Variants in SLC35F4 observed in about 807,000 individuals in gnomAD.
SLC35F4 encodes chromosome 14 open reading frame 36.
Under a neutral mutation model 44.2 loss-of-function variants are expected in SLC35F4, and 24 were observed. That is an observed-to-expected ratio of 0.54 (90% CI 0.39 to 0.76). The LOEUF is 0.76. SLC35F4 is among the 30% of genes least tolerant of loss of function. The pLI is 0.00. For synonymous variants in SLC35F4, 238 were observed against 223.6 expected, an observed-to-expected ratio of 1.06 and a Z score of -0.57; for missense variants, 562 against 586.1, an observed-to-expected ratio of 0.96 and a Z score of 0.42.
At chr14:57,666,248 C>G (rs1232088708) in intron 1 of SLC35F4, among the ~76,000 whole-genome samples, 1 of 152,112 alleles carries the variant, frequency 6.6e-6, no homozygotes, top group Non-Finnish European at 1.5e-5. Context: ...ATAGAGAGAC[C>G]CAGAACTTGA....
At chr14:57,586,717 CAAAAAAAAAAA>C (rs543963927) in intron 3 of SLC35F4, among the ~76,000 whole-genome samples, 24 of 12,490 alleles carry the variant, frequency 1.9e-3, no homozygotes, top group Middle Eastern at 0.071. Context: ...GACTCTGTCT[CAAAAAAAAAAA>C]AAAAAAAAAA....
intron 1 of SLC35F4, among the ~76,000 whole-genome samples, chr14:57,937,240 G>A (rs1358331925): frequency 6.6e-6 from 1 of 152,052 alleles, no homozygotes; most frequent in East Asian, 1.9e-4. Context: ...GCTAATTTTT[G>A]TATTTTTACC....
rs549320304 is a variant in SLC35F4 at position 57,695,396 on chromosome 14, T to C, written c.104-101272A>G. 1.4e-3 allele frequency among the ~76,000 whole-genome samples: 205 copies of C among 151,654 alleles called. 2 individuals are homozygous for C. The highest frequency in any genetic ancestry group is 2.3e-3 in the Non-Finnish European group (159 of 67,908). ...GACACTTCTCAAAAGAAGACATTTA[T>C]GCAGCCAAAAAACACATGAAAAAAC... On this transcript the variant is annotated intron_variant, in intron 1 of 7. Coordinates refer to ENST00000556826, the MANE Select transcript of SLC35F4 (RefSeq NM_001306087.2).
intron 1 of SLC35F4, among the ~76,000 whole-genome samples, chr14:57,783,181 G>A (rs1160170475): frequency 6.6e-6 from 1 of 152,042 alleles, no homozygotes; most frequent in East Asian, 1.9e-4. Context: ...AGAAAAAGTG[G>A]TCATTATATG....
rs144351296 is a variant in SLC35F4 at position 57,684,874 on chromosome 14, A to G, written c.104-90750T>C. 2.2e-3 allele frequency among the ~76,000 whole-genome samples: 334 copies of G among 152,260 alleles called. 1 individual carries two copies. Among genetic ancestry groups the G allele is most frequent in the African/African-American group, 7.1e-3 (297 of 41,558 alleles). On this transcript the variant is annotated intron_variant, in intron 1 of 7. Coordinates refer to ENST00000556826, the MANE Select transcript of SLC35F4 (RefSeq NM_001306087.2). ...CTCTCAGGAGTTTCCCCAGAGGGAT[A>G]GCGTTGGTAGGTAGATTGTGTAGCT...
At chr14:57,814,585 T>C (rs1000383522) in intron 1 of SLC35F4, among the ~76,000 whole-genome samples, 6 of 152,264 alleles carry the variant, frequency 3.9e-5, no homozygotes, top group Non-Finnish European at 7.3e-5. Flanking sequence ...TTATGAATAC[T>C]AATTCTGAAT....
intron 1 of SLC35F4, among the ~76,000 whole-genome samples, chr14:57,712,546 T>C (rs1436051393): frequency 1.3e-5 from 2 of 152,214 alleles, no homozygotes; most frequent in African/African-American, 2.4e-5. Context: ...TAATATTTTC[T>C]ATGTGAAGTC....
intron 1 of SLC35F4, among the ~76,000 whole-genome samples, chr14:57,766,560 C>A (rs1234139948): frequency 2.0e-5 from 3 of 152,182 alleles, no homozygotes; most frequent in African/African-American, 4.8e-5. Context: ...AACCCTAGAA[C>A]CCTTAAAGTA....
chr14:57,604,714 A>C (rs2071045153), intron 1 of SLC35F4, among the ~76,000 whole-genome samples: 1 of 152,238 alleles, frequency 6.6e-6, no homozygotes, highest in African/African-American at 2.4e-5. Flanking sequence ...TAATGCTACA[A>C]GGCTACAGTA....
chr14:57,972,906 T>C (rs911833336), downstream of SLC35F4, among the ~76,000 whole-genome samples: 17 of 152,240 alleles, frequency 1.1e-4, no homozygotes, highest in Admixed American at 3.9e-4. Flanking sequence ...TGGAATACAA[T>C]GCCGAGGGAG....
chr14:57,753,426 C>T (rs1038059913), intron 1 of SLC35F4, among the ~76,000 whole-genome samples: 7 of 152,138 alleles, frequency 4.6e-5, no homozygotes, highest in African/African-American at 1.7e-4. Flanking sequence ...TAGTAGGGTC[C>T]TCAGAGGCAC....
At chr14:57,932,573 G>C (rs752498084) in intron 1 of SLC35F4, among the ~76,000 whole-genome samples, 1 of 152,194 alleles carries the variant, frequency 6.6e-6, no homozygotes, top group Non-Finnish European at 1.5e-5. Flanking sequence ...TTGGGACCAG[G>C]TGTGGTGTCT....
chr14:57,745,332 C>A (rs1435328561), intron 1 of SLC35F4, among the ~76,000 whole-genome samples: 1 of 152,136 alleles, frequency 6.6e-6, no homozygotes, highest in African/African-American at 2.4e-5. Flanking sequence ...ACAATCTACC[C>A]ATCTGACAAA....
At chr14:57,770,342 T>C (rs542297818) in intron 1 of SLC35F4, among the ~76,000 whole-genome samples, 2 of 152,226 alleles carry the variant, frequency 1.3e-5, no homozygotes, top group Non-Finnish European at 2.9e-5. Flanking sequence ...GTATGCCAGC[T>C]TGCAGCATTT....
At chr14:57,892,782 T>G (rs1203693945) in intron 1 of SLC35F4, among the ~76,000 whole-genome samples, 1 of 152,122 alleles carries the variant, frequency 6.6e-6, no homozygotes, top group African/African-American at 2.4e-5. Context: ...GTGAAGACCA[T>G]GCATAGAGCC....
chr14:57,611,459 C>A (rs984768003), intron 1 of SLC35F4, among the ~76,000 whole-genome samples: 3 of 151,740 alleles, frequency 2.0e-5, no homozygotes, highest in Non-Finnish European at 4.4e-5. Flanking sequence ...GGATGAACAC[C>A]CCGGGGAACA....
intron 1 of SLC35F4, among the ~76,000 whole-genome samples, chr14:57,749,278 C>T (rs1015693702): frequency 3.3e-5 from 5 of 152,072 alleles, no homozygotes; most frequent in Non-Finnish European, 7.4e-5. Context: ...TAGGACAGGA[C>T]AGTGCCACCC....
chr14:57,840,016 T>TAA (rs1566895683), intron 1 of SLC35F4, among the ~76,000 whole-genome samples: 1 of 152,188 alleles, frequency 6.6e-6, no homozygotes, highest in Non-Finnish European at 1.5e-5. Context: ...CTAATAATAA[T>TAA]AACATTCATA....
rs145446631 is a variant in SLC35F4, at chr14:57,780,229, A to T, written c.103+85494T>A. The stretch of plus-strand genomic sequence containing the variant: ...GCTCCTTCAGCTGATAAATAACTTC[A>T]GCAAAGTTTCAGGATACAAAATCAA... On this transcript the variant is annotated intron_variant, in intron 1 of 7. Coordinates refer to ENST00000556826, the MANE Select transcript of SLC35F4 (RefSeq NM_001306087.2). 1.1e-3 allele frequency among the ~76,000 whole-genome samples: 162 copies of T among 152,336 alleles called. 1 individual carries two copies. Among genetic ancestry groups the T allele is most frequent in the African/African-American group, 3.4e-3 (143 of 41,574 alleles).
Sources: gnomAD v4.1 joint callset for allele counts (sites outside exome capture counted in the v4.1 genomes callset) on GRCh38, gnomAD v4.1.1 for gene constraint, MANE v1.5 for transcripts, NCBI Gene and HGNC (gene_info 2026-07-23, HGNC 2026-07-21) for gene names.